The following DLL3 variants were observed in gnomAD, a reference collection of about 807,000 sequenced individuals.
DLL3 encodes the protein delta like canonical Notch ligand 3.
A neutral mutation model predicts 55.0 loss-of-function variants in DLL3; 49 were observed. That is an observed-to-expected ratio of 0.89 (90% CI 0.71 to 1.13). DLL3 has a LOEUF of 1.13. Ranked by LOEUF, DLL3 falls within the 50% of genes most tolerant of loss-of-function variation. The pLI is 0.00. For missense variants in DLL3, 962 were observed against 875.5 expected, an observed-to-expected ratio of 1.10 and a Z score of -1.25; for synonymous variants, 421 against 385.2, an observed-to-expected ratio of 1.09 and a Z score of -1.09.
intron 2 of DLL3, among the ~76,000 whole-genome samples, chr19:39,499,791 G>A (rs1287989171): frequency 6.6e-6 from 1 of 151,348 alleles, no homozygotes; most frequent in Non-Finnish European, 1.5e-5. Flanking sequence ...AAAAACTGTG[G>A]TCCTCATCTT....
chr19:39,507,322 C>T lies in DLL3; in HGVS notation c.1377C>T (p.Tyr459=), dbSNP rs1284000164. 3.2e-6 allele frequency: 5 copies of T among 1,565,822 alleles called. No homozygotes were observed. Among genetic ancestry groups the T allele is most frequent in the South Asian group, 1.2e-5 (1 of 86,842 alleles). The change falls in exon 7 of 9, where the codon TAC becomes TAT. Residue 459 remains tyrosine (Y), a synonymous_variant. Coordinates refer to ENST00000356433, the MANE Select transcript of DLL3 (RefSeq NM_203486.3). ...TCGTCTGCGCTTGCGCTCCCGGCTA[C>T]ATGGGAGCGCGGTGTGAGTTCCCAG... ...SGLVCACAPG[Y]MGARCEFPVH... is the part of the protein sequence containing the mutation.
intron 2 of DLL3, among the ~76,000 whole-genome samples, 176 bp from the exon 3 acceptor site, chr19:39,500,439 A>C (rs2079603640): frequency 7.0e-6 from 1 of 142,546 alleles, no homozygotes; most frequent in South Asian, 2.5e-4. Context: ...CCCCAAAAAA[A>C]AGCCACAGAT....
chr19:39,502,590 G>A (rs1241207052), intron 3 of DLL3, among the ~76,000 whole-genome samples: 1 of 152,182 alleles, frequency 6.6e-6, no homozygotes, highest in African/African-American at 2.4e-5. Context: ...TAGAGTACTA[G>A]AAAGGACCAC....
chr19:39,500,423 C>G (rs77761766), intron 2 of DLL3, among the ~76,000 whole-genome samples, 192 bp from the exon 3 acceptor site: 2 of 139,414 alleles, frequency 1.4e-5, no homozygotes, highest in African/African-American at 5.5e-5. Flanking sequence ...GAGATTCTCC[C>G]CCCCCCCCCA....
chr19:39,500,420 T>TCCCC (rs369324363), intron 2 of DLL3, among the ~76,000 whole-genome samples, 195 bp from the exon 3 acceptor site: 1 of 93,676 alleles, frequency 1.1e-5, no homozygotes, highest in Non-Finnish European at 2.2e-5. Context: ...AGTGAGATTC[T>TCCCC]CCCCCCCCCC....
chr19:39,499,108 T>C, intron 1 of DLL3, 65 bp downstream of exon 1: 1 of 1,613,126 alleles, frequency 6.2e-7, no homozygotes, highest in South Asian at 1.1e-5. Context: ...GAGTGCGACC[T>C]GAAGGTCCTG....
At chr19:39,507,699 T>C in intron 7 of DLL3, 81 bp downstream of exon 7, 1 of 1,591,132 alleles carries the variant, frequency 6.3e-7, no homozygotes, top group South Asian at 1.1e-5. Context: ...GCCCGATTCC[T>C]TGATGCATTT....
chr19:39,498,957 C>A lies in DLL3; in HGVS notation c.-18C>A. The A allele has an allele frequency of 1.2e-6, 2 of 1,613,226 alleles. No homozygotes were observed. Among genetic ancestry groups the A allele is most frequent in the East Asian group, 4.5e-5 (2 of 44,854 alleles). On this transcript the variant is annotated 5_prime_UTR_variant, in exon 1 of 9. Coordinates refer to ENST00000356433, the MANE Select transcript of DLL3 (RefSeq NM_203486.3). The stretch of plus-strand genomic sequence containing the variant: ...AAGCCAGCAGCTGCGACTCCCGAGA[C>A]CCCCCCACCAGAAGGCCATGGTCTC...
chr19:39,508,056 C>A (rs374551752), intron 8 of DLL3, 142 bp downstream of exon 8: 2 of 1,601,784 alleles, frequency 1.2e-6, no homozygotes, highest in Non-Finnish European at 1.7e-6. Flanking sequence ...ATTTTCAGTT[C>A]TAACTTACTT....
At chr19:39,503,099 C>A (rs956549712) in intron 4 of DLL3, 42 bp downstream of exon 4, 2 of 1,511,320 alleles carry the variant, frequency 1.3e-6, no homozygotes, top group African/African-American at 2.8e-5. Flanking sequence ...AGCCGGGGAC[C>A]CCGGCCCCTC....
intron 4 of DLL3, among the ~76,000 whole-genome samples, chr19:39,503,445 T>C (rs2079622758): frequency 6.6e-6 from 1 of 152,176 alleles, no homozygotes; most frequent in Non-Finnish European, 1.5e-5. Flanking sequence ...GTCCTGATGC[T>C]AGGACTCCAA....
chr19:39,500,602 T>A lies in DLL3; in HGVS notation c.352-13T>A. 6.2e-7 allele frequency: 1 copy of A among 1,611,614 alleles called. No individual in the cohort carries two copies. Among genetic ancestry groups the A allele is most frequent in the African/African-American group, 1.3e-5 (1 of 74,938 alleles). On this transcript the variant is annotated splice_polypyrimidine_tract_variant and intron_variant, in intron 2 of 8. Transcript: ENST00000356433. ...CTTTCATCTTTCATCTCCCCCTTCC[T>A]TCACCCAACCAGGGCACCTTCTCTT...
At chr19:39,505,149 C>T in intron 5 of DLL3, 80 bp from the exon 6 acceptor site, 3 of 1,449,758 alleles carry the variant, frequency 2.1e-6, no homozygotes, top group Non-Finnish European at 2.9e-6. Context: ...AGGAGCAGCC[C>T]CCAGTGGTTA....
rs978319698 is a variant in DLL3, at chr19:39,507,330, C to G, written c.1385C>G (p.Ala462Gly). ...VCACAPGYMG[A>G]RCEFPVHPDG... Reference sequence around the variant, plus strand: ...GCTTGCGCTCCCGGCTACATGGGAGCGCGGTGTGAGTTCCCAGTGCACCCC... The same window carrying G: ...GCTTGCGCTCCCGGCTACATGGGAGGGCGGTGTGAGTTCCCAGTGCACCCC... The change falls in exon 7 of 9, where the codon GCG (alanine) becomes GGG (glycine). Residue 462 changes from alanine to glycine, a missense_variant. Coordinates refer to ENST00000356433, the MANE Select transcript of DLL3 (RefSeq NM_203486.3). 4 of 1,568,216 alleles carry G rather than the reference C, an allele frequency of 2.6e-6. No individual in the cohort carries two copies. Among genetic ancestry groups the G allele is most frequent in the Non-Finnish European group, 3.4e-6 (4 of 1,164,768 alleles).
chr19:39,502,902 G>A lies in DLL3; in HGVS notation c.497G>A (p.Gly166Asp). 6.9e-7 allele frequency: 1 copy of A among 1,442,006 alleles called. No individual in the cohort carries two copies. Among genetic ancestry groups the A allele is most frequent in the Non-Finnish European group, 9.1e-7 (1 of 1,102,872 alleles). The allele number at this position is 1,442,006 out of a possible 1,614,324, so 89.3% of individuals were successfully genotyped here. A position where few individuals can be genotyped will look rare whatever the true frequency, so the allele number is the denominator to read the frequency against. Residue 166 changes from glycine (G) to aspartate (D), a missense_variant, in exon 4 of 9, where the codon GGC becomes GAC. Coordinates refer to ENST00000356433, the MANE Select transcript of DLL3 (RefSeq NM_203486.3). Reference sequence around the variant, plus strand: ...TGGGCCCGGGACATTCAGCGCGCAGGCGCCTGGGAGCTGCGCTTCTCGTAC... The same window carrying A: ...TGGGCCCGGGACATTCAGCGCGCAGACGCCTGGGAGCTGCGCTTCTCGTAC... ...GPWARDIQRA[G>D]AWELRFSYRA...
chr19:39,505,172 G>C, intron 5 of DLL3, 57 bp from the exon 6 acceptor site: 1 of 1,572,786 alleles, frequency 6.4e-7, no homozygotes, highest in Non-Finnish European at 8.7e-7. Flanking sequence ...ACTGAGGAGG[G>C]GGATGGGATT....
chr19:39,502,720 C>G (rs1036646915), intron 3 of DLL3, 95 bp from the exon 4 acceptor site: 2 of 1,271,718 alleles, frequency 1.6e-6, no homozygotes, highest in Admixed American at 8.5e-5. Context: ...TTTGGCCTCG[C>G]TGGGAGGGGC....
chr19:39,504,177 C>T lies in DLL3; in HGVS notation c.759C>T (p.Ser253=), dbSNP rs1321795229. The T allele has an allele frequency of 1.2e-6, 2 of 1,612,502 alleles. No individual in the cohort carries two copies. The highest frequency in any genetic ancestry group is 2.7e-5 in the African/African-American group (2 of 75,064). The part of the protein sequence containing the change: ...WTGPLCTVPV[S]TSSCLSPRGP... ...GACCCCTCTGCACGGTCCCTGTCTC[C>T]ACCAGCAGCTGCCTCAGCCCCAGGG... Residue 253 remains serine, a synonymous_variant, in exon 5 of 9, where the codon TCC becomes TCT. Coordinates refer to ENST00000356433, the MANE Select transcript of DLL3 (RefSeq NM_203486.3).
chr19:39,505,652 C>A (rs1230102993), intron 6 of DLL3: 7 of 607,836 alleles, frequency 1.2e-5, no homozygotes, highest in Non-Finnish European at 1.7e-5. Flanking sequence ...TACTGTGTGC[C>A]AGGCCCTATT....
Sources: gnomAD v4.1 joint callset for allele counts (sites outside exome capture counted in the v4.1 genomes callset) on GRCh38, gnomAD v4.1.1 for gene constraint, MANE v1.5 for transcripts, NCBI Gene and HGNC (gene_info 2026-07-23, HGNC 2026-07-21) for gene names.